OSBPL3: variants seen among roughly 807,000 people sequenced by gnomAD.
The protein encoded by OSBPL3 is oxysterol-binding protein-related protein 3.
Under a neutral mutation model 120.1 loss-of-function variants are expected in OSBPL3, and 65 were observed. The observed-to-expected ratio is 0.54, with a 90% CI of 0.44 to 0.67. The LOEUF is 0.67. Ranked by LOEUF, OSBPL3 falls within the 30% of genes least tolerant of loss-of-function variation. OSBPL3 has a pLI of 0.00. For synonymous variants in OSBPL3, 416 were observed against 402.6 expected, an observed-to-expected ratio of 1.03 and a Z score of -0.40; for missense variants, 1,004 against 1,082.1, an observed-to-expected ratio of 0.93 and a Z score of 1.01.
At position 24,813,326 on chromosome 7, in the gene OSBPL3, C is replaced by A. The variant is rs190128679; in HGVS notation, c.2172+1733G>T. Reference sequence around the variant, plus strand: ...CATCCACTTGCAGCATCTCTTTCAACACCAGACATGCCCAGTGTTCATCTC... The same window carrying A: ...CATCCACTTGCAGCATCTCTTTCAAAACCAGACATGCCCAGTGTTCATCTC... On this transcript the variant is annotated intron_variant, in intron 19 of 22. Coordinates refer to ENST00000313367, the MANE Select transcript of OSBPL3 (RefSeq NM_015550.4). This position sits in a 1 kb window ranked among gnomAD's most constrained non-coding sequence, Gnocchi z 4.5. Among the ~76,000 whole-genome samples, 2 of 152,348 alleles carry A rather than the reference C, an allele frequency of 1.3e-5. No individual in the cohort carries two copies. Among genetic ancestry groups the A allele is most frequent in the East Asian group, 3.9e-4 (2 of 5,194 alleles).
At chr7:24,889,010 C>T (rs1395547322) in intron 2 of OSBPL3, among the ~76,000 whole-genome samples, 2 of 152,042 alleles carry the variant, frequency 1.3e-5, no homozygotes, top group Non-Finnish European at 1.5e-5. Flanking sequence ...CCAAATATGG[C>T]AAAAATATAC....
intron 1 of OSBPL3, among the ~76,000 whole-genome samples, chr7:24,935,779 T>C (rs1259569295): frequency 1.3e-5 from 2 of 152,166 alleles, no homozygotes; most frequent in African/African-American, 4.8e-5. Flanking sequence ...AATTCTATTT[T>C]ATGTATTCTG....
At chr7:24,904,055 G>A (rs1375835636) in intron 1 of OSBPL3, among the ~76,000 whole-genome samples, 1 of 151,974 alleles carries the variant, frequency 6.6e-6, no homozygotes, top group Non-Finnish European at 1.5e-5. Flanking sequence ...GCTGATTTTT[G>A]TATTTTTAGT....
intron 2 of OSBPL3, among the ~76,000 whole-genome samples, chr7:24,880,118 T>C (rs990196376): frequency 6.6e-6 from 1 of 152,206 alleles, no homozygotes; most frequent in Non-Finnish European, 1.5e-5. Context: ...GTGGTAGTGA[T>C]TATAGTTATA....
chr7:24,861,664 A>G lies in OSBPL3; in HGVS notation c.976T>C (p.Ser326Pro). The change falls in exon 10 of 23, where the codon TCA (serine) becomes CCA (proline). Residue 326 changes from serine to proline, a missense_variant. Ser to Pro is a moderately conservative substitution (Grantham distance 74). Transcript: ENST00000313367. Reference protein sequence around the residue: ...EKNYSDGSETSSEFSKMQEDL... With the variant: ...EKNYSDGSETPSEFSKMQEDL... ...TCTTGCATTTTAGAAAACTCTGATG[A>G]GGTTTCAGAGCCATCAGAATAATTT... 6.2e-7 allele frequency: 1 copy of G among 1,608,732 alleles called. No individual in the cohort carries two copies. Among genetic ancestry groups the G allele is most frequent in the Non-Finnish European group, 8.5e-7 (1 of 1,176,640 alleles).
rs1277529480 is a variant in OSBPL3 at position 24,827,771 on chromosome 7, A to G, written c.1884+2997T>C. ...AATTCCAGACAGATGAAGCAGCTCC[A>G]TGATGATCAGGACTGGTGGTATGAC... On this transcript the variant is annotated intron_variant, in intron 16 of 22. Transcript: ENST00000313367. This position sits in a 1 kb window ranked among gnomAD's most constrained non-coding sequence, Gnocchi z 5.1. Among the ~76,000 whole-genome samples, 1 of 152,212 alleles carries G rather than the reference A, an allele frequency of 6.6e-6. No homozygotes were observed. The highest frequency in any genetic ancestry group is 2.4e-5 in the African/African-American group (1 of 41,460).
chr7:24,921,357 AC>A (rs1810359167), intron 1 of OSBPL3, among the ~76,000 whole-genome samples: 1 of 152,238 alleles, frequency 6.6e-6, no homozygotes, highest in Non-Finnish European at 1.5e-5. Context: ...TTGTCTGCAG[AC>A]AAAAGAACAA....
At position 24,936,794 on chromosome 7, in the gene OSBPL3, G is replaced by A. The variant is rs1246020537; in HGVS notation, c.-150+43092C>T. ...AAAGTTTGCCTGCATTATCCTATAT[G>A]CAGTAGGAAACTCAAAGGCTTTTAA... On this transcript the variant is annotated intron_variant, in intron 1 of 22. Coordinates refer to ENST00000313367, the MANE Select transcript of OSBPL3 (RefSeq NM_015550.4). The surrounding 1 kb of genome is among the most constrained non-coding windows in gnomAD (Gnocchi z 4.2). Among the ~76,000 whole-genome samples the A allele has an allele frequency of 6.6e-6, 1 of 152,196 alleles. No homozygotes were observed. The highest frequency in any genetic ancestry group is 1.5e-5 in the Non-Finnish European group (1 of 68,042).
In OSBPL3 at chr7:24,824,642, C is replaced by T. The variant is rs1186038033; in HGVS notation, c.1885-4404G>A. ...TGATTGCCTGTGATGTGTCAGGCAC[C>T]GTCCTAGTCACCAAGGGTAAAAATT... On this transcript the variant is annotated intron_variant, in intron 16 of 22. Coordinates refer to ENST00000313367, the MANE Select transcript of OSBPL3 (RefSeq NM_015550.4). The surrounding 1 kb of genome is among the most constrained non-coding windows in gnomAD (Gnocchi z 4.9). 2.0e-5 allele frequency among the ~76,000 whole-genome samples: 3 copies of T among 152,152 alleles called. No individual in the cohort carries two copies. Among genetic ancestry groups the T allele is most frequent in the African/African-American group, 4.8e-5 (2 of 41,420 alleles).
At position 24,833,803 on chromosome 7, in the gene OSBPL3, T is replaced by C. The variant is rs1796670358; in HGVS notation, c.1746+683A>G. Among the ~76,000 whole-genome samples the C allele has an allele frequency of 1.3e-5, 2 of 152,172 alleles. No individual in the cohort carries two copies. The highest frequency in any genetic ancestry group is 4.2e-4 in the South Asian group (2 of 4,818). ...CTGATCTGCCCAGAGTCTTGCCCTTTGGGTACTCCCTTCCCAATCTCCCTA... is the reference window on the plus strand; with the variant it reads ...CTGATCTGCCCAGAGTCTTGCCCTTCGGGTACTCCCTTCCCAATCTCCCTA... On this transcript the variant is annotated intron_variant, in intron 15 of 22. Transcript: ENST00000313367. This position sits in a 1 kb window ranked among gnomAD's most constrained non-coding sequence, Gnocchi z 4.4.
intron 16 of OSBPL3, among the ~76,000 whole-genome samples, chr7:24,829,467 C>A (rs567184922): frequency 1.3e-5 from 2 of 152,272 alleles, no homozygotes; most frequent in African/African-American, 4.8e-5. Context: ...TTAAGATAAG[C>A]ACTATCATCA....
At position 24,841,717 on chromosome 7, in the gene OSBPL3, A is replaced by AAAAAAAAAAAAAAAAAAAAAAAG. The variant is rs70942886; in HGVS notation, c.1401+561_1401+562insCTTTTTTTTTTTTTTTTTTTTTT. ...CTCAAAAAAAAAAAAAAAAAAAAAA[A>AAAAAAAAAAAAAAAAAAAAAAAG]AAAAGAGGCCAGGCACAGTGGCTCA... On this transcript the variant is annotated intron_variant, in intron 13 of 22. Transcript: ENST00000313367. 1.9e-3 allele frequency among the ~76,000 whole-genome samples: 160 copies of AAAAAAAAAAAAAAAAAAAAAAAG among 82,786 alleles called. 36 individuals are homozygous for AAAAAAAAAAAAAAAAAAAAAAAG. Among genetic ancestry groups the AAAAAAAAAAAAAAAAAAAAAAAG allele is most frequent in the Non-Finnish European group, 2.6e-3 (114 of 44,178 alleles). 54.3% of individuals were successfully genotyped at this position (82,786 alleles called of 152,430 possible).
rs951883861 is a variant in OSBPL3, at chr7:24,804,550, C to T, written c.2445-113G>A. On this transcript the variant is annotated intron_variant, in intron 21 of 22. Coordinates refer to ENST00000313367, the MANE Select transcript of OSBPL3 (RefSeq NM_015550.4). The surrounding 1 kb of genome is among the most constrained non-coding windows in gnomAD (Gnocchi z 5.4). ...TGGATATTCAAAATCCTCTCCTATA[C>T]GTAAGACCCCGCCCCAACCGTTTAA... 25 of 914,030 alleles carry T rather than the reference C, an allele frequency of 2.7e-5. No homozygotes were observed. The highest frequency in any genetic ancestry group is 1.9e-4 in the African/African-American group (11 of 59,226). The allele number at this position is 914,030 out of a possible 1,614,324, so 56.6% of individuals were successfully genotyped here. A position where few individuals can be genotyped will look rare whatever the true frequency, so the allele number is the denominator to read the frequency against.
At chr7:24,917,989 C>A in intron 1 of OSBPL3, 1 of 657,934 alleles carries the variant, frequency 1.5e-6, no homozygotes, top group Non-Finnish European at 1.9e-6. Context: ...CCTGACGATC[C>A]TGTCTAGCTT....
In OSBPL3 at chr7:24,867,474, A is replaced by ATCATGGGGGCAAGTCATTC. The variant is rs1333657081; in HGVS notation, c.382-1256_382-1238dup. Among the ~76,000 whole-genome samples the ATCATGGGGGCAAGTCATTC allele has an allele frequency of 6.6e-6, 1 of 152,100 alleles. No individual in the cohort carries two copies. The highest frequency in any genetic ancestry group is 1.5e-5 in the Non-Finnish European group (1 of 68,020). On this transcript the variant is annotated intron_variant, in intron 5 of 22. Transcript: ENST00000313367. The surrounding 1 kb of genome is among the most constrained non-coding windows in gnomAD (Gnocchi z 4.5). ...GACCTGGTCAGTGAGAGGTAACTGG[A>ATCATGGGGGCAAGTCATTC]TCATGGGGGCAAGTCATTCCCATGG...
At position 24,815,280 on chromosome 7, in the gene OSBPL3, TAA is replaced by T; in HGVS notation, c.2028-79_2028-78del. On this transcript the variant is annotated intron_variant, in intron 18 of 22. Coordinates refer to ENST00000313367, the MANE Select transcript of OSBPL3 (RefSeq NM_015550.4). The surrounding 1 kb of genome is among the most constrained non-coding windows in gnomAD (Gnocchi z 5.1). The stretch of plus-strand genomic sequence containing the variant: ...AATGCAAACAAACTCTGCTCTTTTA[TAA>T]AATAAGTCATGCAATGCATTATTCA... The T allele has an allele frequency of 8.4e-7, 1 of 1,187,592 alleles. No individual in the cohort carries two copies. The highest frequency in any genetic ancestry group is 1.5e-5 in the African/African-American group (1 of 66,632). The allele number at this position is 1,187,592 out of a possible 1,614,324, so 73.6% of individuals were successfully genotyped here.
chr7:24,865,624 C>A (rs528084734), intron 6 of OSBPL3, among the ~76,000 whole-genome samples, 159 bp from the exon 7 acceptor site: 3 of 152,318 alleles, frequency 2.0e-5, no homozygotes, highest in African/African-American at 7.2e-5. Context: ...CTGGCTATCA[C>A]CCCGGCTTGG....
At chr7:24,974,975 G>A (rs1817422341) in intron 1 of OSBPL3, among the ~76,000 whole-genome samples, 1 of 152,116 alleles carries the variant, frequency 6.6e-6, no homozygotes, top group Admixed American at 6.5e-5. Context: ...ACCTTTAAAC[G>A]GATGACTTGT....
In OSBPL3 at chr7:24,946,758, C is replaced by G. The variant is rs1343305489; in HGVS notation, c.-150+33128G>C. Among the ~76,000 whole-genome samples the G allele has an allele frequency of 1.3e-5, 2 of 152,152 alleles. No individual in the cohort carries two copies. The highest frequency in any genetic ancestry group is 2.9e-5 in the Non-Finnish European group (2 of 68,036). ...ACATTTCTCCCTCCTCTGCTCACAT[C>G]ATTTTTTATCATATGCTTTGGATTC... On this transcript the variant is annotated intron_variant, in intron 1 of 22. Transcript: ENST00000313367. The surrounding 1 kb of genome is among the most constrained non-coding windows in gnomAD (Gnocchi z 4.3).
Sources: allele counts gnomAD v4.1 joint callset (sites outside exome capture counted in the v4.1 genomes callset), GRCh38; gene constraint gnomAD v4.1.1; non-coding constraint Gnocchi (gnomAD v3.1); transcripts MANE v1.5; gene names NCBI Gene and HGNC (gene_info 2026-07-23, HGNC 2026-07-21).